The following NIBAN2 variants were observed in gnomAD, a reference collection of about 807,000 sequenced individuals.
The protein encoded by NIBAN2 is protein Niban 2.
In NIBAN2, 36 loss-of-function variants were observed where a neutral mutation model predicts 81.8. That is an observed-to-expected ratio of 0.44 (90% CI 0.34 to 0.58). The LOEUF (loss-of-function observed/expected upper bound fraction) is 0.58. NIBAN2 is among the 20% of genes least tolerant of loss of function. NIBAN2 has a pLI of 0.02. For synonymous variants in NIBAN2, 445 were observed against 441.6 expected (o/e 1.01, Z -0.10); for missense variants, 897 against 1,014.1 (o/e 0.88, Z 1.57).
rs534317750 is a variant in NIBAN2 at position 127,520,673 on chromosome 9, T to C, written c.590-2732A>G. On this transcript the variant is annotated intron_variant, in intron 5 of 13. Coordinates refer to ENST00000373312, the MANE Select transcript of NIBAN2 (RefSeq NM_022833.4). ...ACTCACGCCTGTAATCCCAGCACTT[T>C]GGGAGGCCGAGGCGGCAGAATCACG... is the stretch of plus-strand genomic sequence containing the variant. Among the ~76,000 whole-genome samples, 3 of 152,166 alleles carry C rather than the reference T, an allele frequency of 2.0e-5. No individual in the cohort carries two copies. In the South Asian group the frequency reaches 6.2e-4, roughly 32 times the overall value.
At chr9:127,521,657 G>C (rs879657292) in intron 5 of NIBAN2, among the ~76,000 whole-genome samples, 1 of 151,960 alleles carries the variant, frequency 6.6e-6, no homozygotes, top group Admixed American at 6.6e-5. Flanking sequence ...CAGTCCGCAG[G>C]GTGGAAGGAA....
chr9:127,565,037 T>C (rs1837835482), intron 1 of NIBAN2, among the ~76,000 whole-genome samples: 2 of 152,182 alleles, frequency 1.3e-5, no homozygotes, highest in African/African-American at 4.8e-5. Context: ...CCTAAATTGT[T>C]TGTACATGTG....
intron 5 of NIBAN2, among the ~76,000 whole-genome samples, chr9:127,521,523 T>C (rs1836941251): frequency 6.6e-6 from 1 of 152,128 alleles, no homozygotes; most frequent in South Asian, 2.1e-4. Flanking sequence ...GGACCGCTGG[T>C]GTCCGCCCAG....
chr9:127,527,135 A>G, intron 3 of NIBAN2, 59 bp downstream of exon 3: 2 of 1,591,986 alleles, frequency 1.3e-6, no homozygotes, highest in Non-Finnish European at 1.7e-6. Context: ...GAGTTGGGGG[A>G]GGGGGCACAC....
chr9:127,563,470 C>G lies in NIBAN2; in HGVS notation c.55+5350G>C, dbSNP rs143808023. 5.3e-5 allele frequency among the ~76,000 whole-genome samples: 8 copies of G among 152,248 alleles called. No homozygotes were observed. Among genetic ancestry groups the G allele is most frequent in the African/African-American group, 1.9e-4 (8 of 41,548 alleles). On this transcript the variant is annotated intron_variant, in intron 1 of 13. Coordinates refer to ENST00000373312, the MANE Select transcript of NIBAN2 (RefSeq NM_022833.4). The surrounding 1 kb of genome is among the most constrained non-coding windows in gnomAD (Gnocchi z 4.1). Reference sequence around the variant, plus strand: ...GGTGAGGGGTGGCAGAAGGTGGAACCCCTCCATCCCTTCACTCTTGGCATC... The same window carrying G: ...GGTGAGGGGTGGCAGAAGGTGGAACGCCTCCATCCCTTCACTCTTGGCATC...
At chr9:127,570,306 T>C (rs1029254217), upstream of NIBAN2, among the ~76,000 whole-genome samples, 4 of 152,220 alleles carry the variant, frequency 2.6e-5, no homozygotes, top group African/African-American at 9.6e-5. Context: ...CATTCATTCA[T>C]GCATTCAGTC....
In NIBAN2 at chr9:127,569,024, C is replaced by T. The variant is rs1174688115; in HGVS notation, c.-150G>A. ...GCTCCCGCCGCCCGGCTGCGGCTTC[C>T]GCTCCGGCTCCGCTCCCGGTCGGGC... On this transcript the variant is annotated 5_prime_UTR_variant, in exon 1 of 14. Transcript: ENST00000373312. 54 of 1,109,338 alleles carry T rather than the reference C, an allele frequency of 4.9e-5. No individual in the cohort carries two copies. Among genetic ancestry groups the T allele is most frequent in the Non-Finnish European group, 5.5e-5 (50 of 911,928 alleles). The allele number at this position is 1,109,338 out of a possible 1,614,324, so 68.7% of individuals were successfully genotyped here.
At chr9:127,523,111 C>T (rs1372136591) in intron 5 of NIBAN2, among the ~76,000 whole-genome samples, 1 of 139,296 alleles carries the variant, frequency 7.2e-6, no homozygotes, top group Non-Finnish European at 1.5e-5. Flanking sequence ...CAGATGAGAG[C>T]AATGAGGCCC....
chr9:127,534,894 A>G (rs554738110), intron 1 of NIBAN2, among the ~76,000 whole-genome samples: 12 of 152,344 alleles, frequency 7.9e-5, no homozygotes. Flanking sequence ...GCTGACAATA[A>G]CATCGGTACC....
chr9:127,532,869 C>A (rs1385039738), intron 1 of NIBAN2, among the ~76,000 whole-genome samples: 1 of 151,790 alleles, frequency 6.6e-6, no homozygotes, highest in Non-Finnish European at 1.5e-5. Context: ...CTCATCCCTA[C>A]AAAAAAATAC....
chr9:127,554,229 C>T (rs954334902), intron 1 of NIBAN2, among the ~76,000 whole-genome samples: 1 of 152,178 alleles, frequency 6.6e-6, no homozygotes. Context: ...CTCTCCATTC[C>T]CCAACCCCTT....
In NIBAN2 at chr9:127,517,117, T is replaced by C. The variant is rs1836847587; in HGVS notation, c.805A>G (p.Ile269Val). 1 of 1,613,400 alleles carries C rather than the reference T, an allele frequency of 6.2e-7. No individual in the cohort carries two copies. The highest frequency in any genetic ancestry group is 8.5e-7 in the Non-Finnish European group (1 of 1,179,618). Residue 269 changes from isoleucine (I) to valine (V), a missense_variant, in exon 7 of 14, where the codon ATC becomes GTC. Physicochemically the swap from Ile to Val is conservative, Grantham distance 29. Transcript: ENST00000373312. This position sits in a 1 kb window ranked among gnomAD's most constrained non-coding sequence, Gnocchi z 4.0. The part of the protein sequence containing the change: ...GKPQERQRQW[I>V]QISDAVYHMV... ...AGGGCCCCAGGCCCACCCACCTGGATCCACTGCCGCTGCCGCTCCTGCGGT... is the reference window on the plus strand; with the variant it reads ...AGGGCCCCAGGCCCACCCACCTGGACCCACTGCCGCTGCCGCTCCTGCGGT...
At chr9:127,554,637 T>G (rs1327949148) in intron 1 of NIBAN2, among the ~76,000 whole-genome samples, 2 of 144,606 alleles carry the variant, frequency 1.4e-5, no homozygotes, top group Non-Finnish European at 3.0e-5. Context: ...CTTGGCTCAC[T>G]GCAATCTCAG....
rs1297349974 is a variant in NIBAN2, at chr9:127,544,671, T to G, written c.56-12893A>C. The stretch of plus-strand genomic sequence containing the variant: ...GGCATGTGCCACCACACCCAGCTGA[T>G]TTTTGTATTTTTAGTAGAGACGGGG... On this transcript the variant is annotated intron_variant, in intron 1 of 13. Coordinates refer to ENST00000373312, the MANE Select transcript of NIBAN2 (RefSeq NM_022833.4). Among the ~76,000 whole-genome samples the G allele has an allele frequency of 2.6e-5, 4 of 152,016 alleles. No homozygotes were observed. In the East Asian group the frequency reaches 7.7e-4, roughly 29 times the overall value.
chr9:127,541,510 GGCCTCCGCA>G (rs1399764306), intron 1 of NIBAN2, among the ~76,000 whole-genome samples: 1 of 152,186 alleles, frequency 6.6e-6, no homozygotes, highest in African/African-American at 2.4e-5. Context: ...ATCTCACCCT[GGCCTCCGCA>G]GCACCAGCCT....
At chr9:127,571,018 C>T (rs1438369745), upstream of NIBAN2, among the ~76,000 whole-genome samples, 1 of 152,394 alleles carries the variant, frequency 6.6e-6, no homozygotes, top group East Asian at 1.9e-4. Flanking sequence ...TCATTTTTCT[C>T]ATAGCCCAAA....
At chr9:127,538,944 CAA>C (rs59404269) in intron 1 of NIBAN2, among the ~76,000 whole-genome samples, 3,513 of 114,526 alleles carry the variant, frequency 0.031, 88 homozygotes, top group African/African-American at 0.092. Context: ...GACTCCATCT[CAA>C]AAAAAAAAAA....
chr9:127,578,705 C>T (rs1838039340), intron 1 of NIBAN2, among the ~76,000 whole-genome samples: 1 of 148,832 alleles, frequency 6.7e-6, no homozygotes, highest in Non-Finnish European at 1.5e-5. Flanking sequence ...AGAAAAAGAA[C>T]CCCTTGTCAG....
At chr9:127,568,689 T>G (rs889658762) in intron 1 of NIBAN2, 131 bp downstream of exon 1, 1 of 794,258 alleles carries the variant, frequency 1.3e-6, no homozygotes, top group Non-Finnish European at 1.7e-6. Context: ...GCACGCTCCC[T>G]GGCAGCTCCC....
Sources: gnomAD v4.1 joint callset for allele counts (sites outside exome capture counted in the v4.1 genomes callset) on GRCh38, gnomAD v4.1.1 for gene constraint, Gnocchi (gnomAD v3.1) non-coding constraint, MANE v1.5 for transcripts, NCBI Gene and HGNC (gene_info 2026-07-23, HGNC 2026-07-21) for gene names.